Variants in MDN1 observed in about 807,000 individuals in gnomAD.
MDN1 encodes midasin AAA ATPase 1.
Under a neutral mutation model 669.2 loss-of-function variants are expected in MDN1, and 266 were observed. The ratio of observed to expected loss-of-function variants is 0.40; its 90% CI spans 0.36 to 0.44. The LOEUF (loss-of-function observed/expected upper bound fraction) is 0.44, where lower values mean the gene tolerates loss of function less well. MDN1 is among the 20% of genes least tolerant of loss of function. The pLI is 1.00. For missense variants in MDN1, 5,940 were observed against 6,754.0 expected (o/e 0.88, Z 4.22); for synonymous variants, 2,385 against 2,457.1 (o/e 0.97, Z 0.87).
At position 89,819,779 on chromosome 6, in the gene MDN1, G is replaced by T. The variant is rs924843682; in HGVS notation, c.-172C>A. On this transcript the variant is annotated 5_prime_UTR_variant, in exon 1 of 102. Transcript: ENST00000369393. ...GGGCACCACACGTGGGTGAGCACAC[G>T]GCGTTTGACGTCATCAGCTCGGGAC... 1 of 600,302 alleles carries T rather than the reference G, an allele frequency of 1.7e-6. No homozygotes were observed. Among genetic ancestry groups the T allele is most frequent in the East Asian group, 2.8e-5 (1 of 35,438 alleles). The allele number at this position is 600,302 out of a possible 1,614,324, so 37.2% of individuals were successfully genotyped here. A position where few individuals can be genotyped will look rare whatever the true frequency, so the allele number is the denominator to read the frequency against.
chr6:89,686,777 A>G (rs945040698), intron 69 of MDN1, 125 bp downstream of exon 69: 3 of 1,287,730 alleles, frequency 2.3e-6, no homozygotes, highest in Middle Eastern at 2.8e-4. Flanking sequence ...CATGAAGTCA[A>G]ATGGGAGGCA....
intron 12 of MDN1, 83 bp from the exon 13 acceptor site, chr6:89,774,816 A>C: frequency 1.2e-6 from 1 of 856,582 alleles, no homozygotes; most frequent in South Asian, 1.4e-5. Context: ...TTTGGCCCTC[A>C]AATTAGCACT....
chr6:89,781,738 C>G, intron 9 of MDN1, 146 bp from the exon 10 acceptor site: 1 of 630,164 alleles, frequency 1.6e-6, no homozygotes, highest in Non-Finnish European at 2.7e-6. Context: ...CACCTGTAAT[C>G]CCAACACTCT....
At chr6:89,671,290 A>C (rs1243704694) in intron 82 of MDN1, among the ~76,000 whole-genome samples, 4 of 152,226 alleles carry the variant, frequency 2.6e-5, no homozygotes, top group Non-Finnish European at 1.5e-5. Flanking sequence ...TCGTCACAAA[A>C]GTACAATCTC....
chr6:89,735,183 C>T (rs187898009), intron 33 of MDN1, among the ~76,000 whole-genome samples: 13 of 151,764 alleles, frequency 8.6e-5, no homozygotes, highest in Admixed American at 5.9e-4. Flanking sequence ...AGAAAGCACC[C>T]GGCCAATAGT....
chr6:89,694,494 C>T (rs1812597636), intron 61 of MDN1, among the ~76,000 whole-genome samples: 1 of 152,160 alleles, frequency 6.6e-6, no homozygotes, highest in African/African-American at 2.4e-5. Flanking sequence ...TATTTAGTTC[C>T]TGAACTTGGT....
intron 26 of MDN1, among the ~76,000 whole-genome samples, chr6:89,748,922 C>T (rs972285425): frequency 6.6e-6 from 1 of 151,190 alleles, no homozygotes; most frequent in African/African-American, 2.4e-5. Flanking sequence ...CCGGGCATGA[C>T]GGTGCACATC....
At chr6:89,789,029 C>A (rs1819115298) in intron 7 of MDN1, among the ~76,000 whole-genome samples, 1 of 151,996 alleles carries the variant, frequency 6.6e-6, no homozygotes, top group Non-Finnish European at 1.5e-5. Flanking sequence ...GAGGCTGAGG[C>A]AGGAGAATTG....
chr6:89,728,156 T>A (rs1020273089), intron 36 of MDN1, among the ~76,000 whole-genome samples: 1 of 152,032 alleles, frequency 6.6e-6, no homozygotes, highest in African/African-American at 2.4e-5. Context: ...ACATGTTCCA[T>A]ATATCAATCA....
chr6:89,653,909 A>G (rs1562037378), intron 93 of MDN1, among the ~76,000 whole-genome samples: 1 of 152,184 alleles, frequency 6.6e-6, no homozygotes, highest in Non-Finnish European at 1.5e-5. Flanking sequence ...ATATTTTTTA[A>G]AAACTGATGA....
chr6:89,742,268 C>G (rs1034431214), intron 31 of MDN1, among the ~76,000 whole-genome samples: 1 of 152,106 alleles, frequency 6.6e-6, no homozygotes, highest in Non-Finnish European at 1.5e-5. Flanking sequence ...CAAAAATTAG[C>G]TGGGCCTGAT....
chr6:89,740,542 A>G (rs1227015504), intron 31 of MDN1, among the ~76,000 whole-genome samples, 164 bp from the exon 32 acceptor site: 1 of 152,144 alleles, frequency 6.6e-6, no homozygotes, highest in Non-Finnish European at 1.5e-5. Context: ...CACTATCCCA[A>G]TTTCTGTGTA....
At chr6:89,750,268 A>T (rs1816871825) in intron 24 of MDN1, 86 bp downstream of exon 24, 7 of 1,368,858 alleles carry the variant, frequency 5.1e-6, no homozygotes, top group Non-Finnish European at 7.0e-6. Flanking sequence ...CATGTGCCTC[A>T]ATTGGAAAGG....
chr6:89,685,213 GT>G (rs1811926884), intron 70 of MDN1, among the ~76,000 whole-genome samples: 1 of 151,832 alleles, frequency 6.6e-6, no homozygotes, highest in East Asian at 1.9e-4. Context: ...TGTAACAGAT[GT>G]TTTTTTGCAC....
chr6:89,724,627 G>A (rs1048054720), intron 38 of MDN1, among the ~76,000 whole-genome samples: 3 of 152,170 alleles, frequency 2.0e-5, no homozygotes, highest in Non-Finnish European at 4.4e-5. Context: ...TTAATCATAA[G>A]AGACAGTGAC....
At chr6:89,706,905 G>A (rs1813554496) in intron 52 of MDN1, among the ~76,000 whole-genome samples, 2 of 151,854 alleles carry the variant, frequency 1.3e-5, no homozygotes, top group South Asian at 2.1e-4. Flanking sequence ...TACTTTAATA[G>A]TTTGAATTTT....
In MDN1 at chr6:89,658,675, T is replaced by C; in HGVS notation, c.14956A>G (p.Lys4986Glu). 6.2e-7 allele frequency: 1 copy of C among 1,613,924 alleles called. No individual in the cohort carries two copies. Among genetic ancestry groups the C allele is most frequent in the Admixed American group, 1.7e-5 (1 of 60,018 alleles). ...SEEQQQSVEE[K>E]DKEADEEGGE... The stretch of plus-strand genomic sequence containing the variant: ...CCTTCTTCATCGGCTTCCTTGTCTT[T>C]TTCCTCCACAGACTGCTGCTGCTCC... Residue 4986 changes from lysine to glutamate, a missense_variant, in exon 89 of 102, where the codon AAA (lysine) becomes GAA (glutamate). By Grantham distance (56) the Lys-to-Glu change is moderately conservative (BLOSUM62 1). This residue lies in a region of MDN1 where 2,280 missense variants were observed against 2,576.3 expected (regional missense o/e 0.88). Coordinates refer to ENST00000369393, the MANE Select transcript of MDN1 (RefSeq NM_014611.3).
chr6:89,680,736 A>G lies in MDN1; in HGVS notation c.12118T>C (p.Trp4040Arg). The change falls in exon 74 of 102, where the codon TGG becomes CGG. Residue 4040 changes from tryptophan (W) to arginine (R), a missense_variant. Trp to Arg is a moderately radical substitution (Grantham distance 101, BLOSUM62 -3). Coordinates refer to ENST00000369393, the MANE Select transcript of MDN1 (RefSeq NM_014611.3). ...PAAGQATIPE[W>R]CQGAAPSGLE... ...CCGGAAGGAGCAGCGCCCTGACACC[A>G]CTCTGGAATTGTGGCCTGTGAGACA... The G allele has an allele frequency of 6.2e-7, 1 of 1,613,812 alleles. No homozygotes were observed. The highest frequency in any genetic ancestry group is 1.1e-5 in the South Asian group (1 of 91,034).
intron 2 of MDN1, among the ~76,000 whole-genome samples, chr6:89,802,423 G>A (rs1584394537): frequency 1.3e-5 from 2 of 152,346 alleles, no homozygotes; most frequent in South Asian, 2.1e-4. Flanking sequence ...AGTGGCTCAC[G>A]CCTGTAATCC....
Sources: allele counts gnomAD v4.1 joint callset (sites outside exome capture counted in the v4.1 genomes callset), GRCh38; gene constraint gnomAD v4.1.1; regional missense constraint gnomAD v4.1.1; transcripts MANE v1.5; gene names NCBI Gene and HGNC (gene_info 2026-07-23, HGNC 2026-07-21).